Variants in DLGAP2 observed in about 807,000 individuals in gnomAD.
DLGAP2 encodes DLG associated protein 2.
In DLGAP2, 26 loss-of-function variants were observed where a neutral mutation model predicts 100.3. That is an observed-to-expected ratio of 0.26 (90% CI 0.19 to 0.36). DLGAP2 has a LOEUF of 0.36. Among genes scored for constraint, DLGAP2 ranks in the 10% least tolerant of loss-of-function variants. The pLI is 1.00. For missense variants in DLGAP2, 1,858 were observed against 1,453.2 expected (o/e 1.28, Z -4.53); for synonymous variants, 886 against 630.1 (o/e 1.41, Z -6.08).
At chr8:1,580,569 C>T (rs1194658683) in intron 6 of DLGAP2, among the ~76,000 whole-genome samples, 1 of 152,174 alleles carries the variant, frequency 6.6e-6, no homozygotes. Flanking sequence ...ACGTGGGAAG[C>T]ACTAATGCCA....
intron 2 of DLGAP2, among the ~76,000 whole-genome samples, chr8:1,215,473 C>T (rs367986315): frequency 0.099 from 11,443 of 115,328 alleles, 266 homozygotes; most frequent in Non-Finnish European, 0.14. Context: ...TGGAGACGTC[C>T]AGGTACCTGG....
At chr8:970,916 A>T (rs1037612160) in intron 2 of DLGAP2, among the ~76,000 whole-genome samples, 6 of 152,238 alleles carry the variant, frequency 3.9e-5, no homozygotes, top group African/African-American at 1.4e-4. Context: ...TAAAATTTCA[A>T]TGTTTAAGTA....
At chr8:1,155,073 G>T (rs113240515) in intron 2 of DLGAP2, among the ~76,000 whole-genome samples, 113 of 152,214 alleles carry the variant, frequency 7.4e-4, no homozygotes, top group Non-Finnish European at 1.0e-3. Flanking sequence ...TCTCACCCTG[G>T]CCACTGCCTT....
At chr8:1,237,554 G>A (rs1389009626) in intron 2 of DLGAP2, among the ~76,000 whole-genome samples, 58 of 128,000 alleles carry the variant, frequency 4.5e-4, no homozygotes, top group African/African-American at 1.1e-3. Context: ...CTCACATGGC[G>A]CCGTGTCTAG....
At chr8:1,358,620 G>T (rs546605429) in intron 3 of DLGAP2, among the ~76,000 whole-genome samples, 59 of 152,306 alleles carry the variant, frequency 3.9e-4, no homozygotes, top group African/African-American at 1.3e-3. Flanking sequence ...CGTTTGGACG[G>T]CTCTTTGATG....
At chr8:868,163 A>G (rs1585952448) in intron 1 of DLGAP2, among the ~76,000 whole-genome samples, 1 of 152,368 alleles carries the variant, frequency 6.6e-6, no homozygotes, top group South Asian at 2.1e-4. Context: ...CCCTATGGAT[A>G]CAGTGAGTAA....
At chr8:1,546,790 G>T (rs1421806074) in intron 4 of DLGAP2, among the ~76,000 whole-genome samples, 2 of 152,162 alleles carry the variant, frequency 1.3e-5, no homozygotes, top group East Asian at 1.9e-4. Context: ...GCTTAGGGTG[G>T]TGGCGAGAGA....
At chr8:1,277,183 G>A (rs552868477) in intron 3 of DLGAP2, among the ~76,000 whole-genome samples, 2 of 152,290 alleles carry the variant, frequency 1.3e-5, no homozygotes, top group East Asian at 3.9e-4. Flanking sequence ...TTCATTCAAA[G>A]TGTGGCTATT....
intron 3 of DLGAP2, among the ~76,000 whole-genome samples, chr8:1,452,121 G>A (rs986615586): frequency 3.3e-5 from 5 of 152,262 alleles, no homozygotes; most frequent in African/African-American, 7.2e-5. Flanking sequence ...TGCCAGGGCC[G>A]TGTCTTCCAG....
In DLGAP2 at chr8:1,321,845, G is replaced by A. The variant is rs1800908682; in HGVS notation, c.106+62962G>A. Among the ~76,000 whole-genome samples the A allele has an allele frequency of 2.6e-5, 4 of 152,144 alleles. No homozygotes were observed. In the South Asian group the frequency reaches 8.3e-4, roughly 32 times the overall value. On this transcript the variant is annotated intron_variant, in intron 3 of 14. Coordinates refer to ENST00000637795, the MANE Select transcript of DLGAP2 (RefSeq NM_001346810.2). ...TTATTTGGATTCTGGATAAACAAGG[G>A]TTCCTTTCTTTGTTTCCAATTAGTG...
At chr8:1,492,507 C>T (rs747306320) in intron 3 of DLGAP2, among the ~76,000 whole-genome samples, 1 of 152,220 alleles carries the variant, frequency 6.6e-6, no homozygotes, top group Non-Finnish European at 1.5e-5. Flanking sequence ...GTTCCCTGTG[C>T]GTTCCGGAAG....
chr8:1,138,278 G>C (rs1473306940), intron 2 of DLGAP2, among the ~76,000 whole-genome samples: 2 of 152,190 alleles, frequency 1.3e-5, no homozygotes, highest in African/African-American at 4.8e-5. Flanking sequence ...GGTTTCCCCT[G>C]GGAGCCACTT....
rs147824506 is a variant in DLGAP2, at chr8:1,283,236, G to A, written c.106+24353G>A. Among the ~76,000 whole-genome samples the A allele has an allele frequency of 7.5e-3, 1,011 of 134,030 alleles. 5 individuals carry two copies. Among genetic ancestry groups the A allele is most frequent in the South Asian group, 0.034 (138 of 4,024 alleles). 87.9% of individuals were successfully genotyped at this position (134,030 alleles called of 152,430 possible). ...CTGAACCCAGCGCCCTGAACCATCC[G>A]GACGTGGTGTGATCTGAACCCAGCG... On this transcript the variant is annotated intron_variant, in intron 3 of 14. Coordinates refer to ENST00000637795, the MANE Select transcript of DLGAP2 (RefSeq NM_001346810.2).
At chr8:988,492 G>A (rs1419208966) in intron 2 of DLGAP2, among the ~76,000 whole-genome samples, 3 of 152,098 alleles carry the variant, frequency 2.0e-5, no homozygotes, top group African/African-American at 7.2e-5. Flanking sequence ...TTTTTAATTT[G>A]CAGTTTGTTT....
At chr8:1,594,059 A>C in intron 6 of DLGAP2, among the ~76,000 whole-genome samples, 1 of 152,302 alleles carries the variant, frequency 6.6e-6, no homozygotes, top group Admixed American at 6.5e-5. Flanking sequence ...GGCAGAGCAA[A>C]CAGGCGAAAA....
rs369766647 is a variant in DLGAP2, at chr8:1,312,167, C to T, written c.106+53284C>T. ...CCACATTCTGGGCCAAAAATCTAGA[C>T]ACAGATCTCAACCTTTTCATAAAAG... On this transcript the variant is annotated intron_variant, in intron 3 of 14. Transcript: ENST00000637795. Among the ~76,000 whole-genome samples, 20 of 152,216 alleles carry T rather than the reference C, an allele frequency of 1.3e-4. 1 individual carries two copies. The highest frequency in any genetic ancestry group is 4.6e-4 in the African/African-American group (19 of 41,450).
chr8:1,583,205 A>G lies in DLGAP2; in HGVS notation c.1442+17311A>G, dbSNP rs7010073. ...TTTGGGATATGTTTGTGAGTAGGCT[A>G]TTTAAGTCATGAGATGGCTCCAAGC... On this transcript the variant is annotated intron_variant, in intron 6 of 14. Transcript: ENST00000637795. Among the ~76,000 whole-genome samples, 479 of 152,318 alleles carry G rather than the reference A, an allele frequency of 3.1e-3. 1 individual carries two copies. The highest frequency in any genetic ancestry group is 9.8e-3 in the African/African-American group (408 of 41,564).
intron 1 of DLGAP2, among the ~76,000 whole-genome samples, chr8:862,172 C>G (rs985861794): frequency 1.3e-5 from 2 of 152,128 alleles, no homozygotes; most frequent in Non-Finnish European, 2.9e-5. Flanking sequence ...GGCTCCGGGC[C>G]TCGTCCAGAA....
intron 3 of DLGAP2, among the ~76,000 whole-genome samples, chr8:1,330,022 G>A (rs1299065251): frequency 1.3e-5 from 2 of 152,208 alleles, no homozygotes; most frequent in African/African-American, 2.4e-5. Context: ...GGGACAGAAC[G>A]GATGTCCATT....
Sources: allele counts gnomAD v4.1 joint callset (sites outside exome capture counted in the v4.1 genomes callset), GRCh38; gene constraint gnomAD v4.1.1; transcripts MANE v1.5; gene names NCBI Gene and HGNC (gene_info 2026-07-23, HGNC 2026-07-21).